RBFOX1: variants seen among roughly 807,000 people sequenced by gnomAD.
RBFOX1 encodes the protein RNA binding protein fox-1 homolog 1.
A neutral mutation model predicts 57.7 loss-of-function variants in RBFOX1; 8 were observed. The observed-to-expected ratio is 0.14, with a 90% confidence interval of 0.08 to 0.25. The LOEUF (loss-of-function observed/expected upper bound fraction) is 0.25, where lower values mean the gene tolerates loss of function less well. Among genes scored for constraint, RBFOX1 ranks in the 10% least tolerant of loss-of-function variants. The pLI, the probability that RBFOX1 is intolerant of heterozygous loss-of-function variation, is 1.00. For synonymous variants in RBFOX1, 326 were observed against 222.4 expected (o/e 1.47, Z -4.15); for missense variants, 611 against 548.5 (o/e 1.11, Z -1.14).
chr16:5,382,606 A>T (rs1412391843), intron 1 of RBFOX1, among the ~76,000 whole-genome samples: 1 of 152,196 alleles, frequency 6.6e-6, no homozygotes, highest in East Asian at 1.9e-4. Context: ...TTAAGGTTCT[A>T]GTAGATGTAC....
chr16:5,326,190 C>G (rs1257259230), intron 1 of RBFOX1, among the ~76,000 whole-genome samples: 1 of 152,076 alleles, frequency 6.6e-6, no homozygotes, highest in Non-Finnish European at 1.5e-5. Context: ...CCTGTTTAAC[C>G]TTTTCTATTT....
At chr16:6,741,022 AC>A (rs1462792736) in intron 3 of RBFOX1, among the ~76,000 whole-genome samples, 2 of 152,176 alleles carry the variant, frequency 1.3e-5, no homozygotes, top group Non-Finnish European at 2.9e-5. Context: ...AGATGTAGAC[AC>A]CTAAATCAAT....
intron 3 of RBFOX1, among the ~76,000 whole-genome samples, chr16:6,710,033 A>T (rs2063452088): frequency 6.6e-6 from 1 of 152,080 alleles, no homozygotes; most frequent in Non-Finnish European, 1.5e-5. Context: ...TATGCTGCTC[A>T]CCCTTTGAGA....
At chr16:5,360,666 G>A (rs575440600) in intron 1 of RBFOX1, among the ~76,000 whole-genome samples, 10 of 152,316 alleles carry the variant, frequency 6.6e-5, no homozygotes, top group African/African-American at 2.4e-4. Flanking sequence ...CTAATGTGAG[G>A]AAGAAGAGGG....
At chr16:7,675,729 T>G (rs1461314952) in intron 13 of RBFOX1, among the ~76,000 whole-genome samples, 2 of 150,266 alleles carry the variant, frequency 1.3e-5, no homozygotes, top group Non-Finnish European at 2.9e-5. Context: ...GTTGTATACC[T>G]TCTCACACAC....
chr16:6,804,532 AT>A (rs1482868458), intron 3 of RBFOX1, among the ~76,000 whole-genome samples: 1 of 152,198 alleles, frequency 6.6e-6, no homozygotes, highest in East Asian at 1.9e-4. Context: ...CAAATAAAGA[AT>A]TCTAAATTGG....
intron 4 of RBFOX1, among the ~76,000 whole-genome samples, chr16:5,948,303 C>T (rs2059446399): frequency 1.3e-5 from 2 of 152,088 alleles, no homozygotes; most frequent in South Asian, 4.2e-4. Flanking sequence ...GAGGAGAGGA[C>T]CAAAACATTT....
Position 6,775,103 on chromosome 16 carries a change from A to G in RBFOX1, c.-16+120453A>G, listed in dbSNP as rs2079084368. On this transcript the variant is annotated intron_variant, in intron 3 of 15. Transcript: ENST00000550418. ...CACTTTGGGAGGCCAGGTCTGGCGG[A>G]TCACGAGGTCAGGAGATCCAGACCA... Among the ~76,000 whole-genome samples the G allele has an allele frequency of 1.3e-5, 2 of 151,492 alleles. 1 individual carries two copies.
intron 4 of RBFOX1, among the ~76,000 whole-genome samples, chr16:7,253,701 C>T (rs547091325): frequency 6.6e-6 from 1 of 152,118 alleles, no homozygotes; most frequent in African/African-American, 2.4e-5. Context: ...GCCTAGAAAC[C>T]CCTACTCCAT....
chr16:6,171,138 T>C (rs149954504), intron 1 of RBFOX1, among the ~76,000 whole-genome samples: 1,756 of 152,332 alleles, frequency 0.012, 23 homozygotes, highest in African/African-American at 0.04. Context: ...ATGGTAGTTC[T>C]GTTTTTAGGT....
chr16:5,417,080 T>G (rs566526322), intron 1 of RBFOX1, among the ~76,000 whole-genome samples: 95 of 152,360 alleles, frequency 6.2e-4, no homozygotes, highest in African/African-American at 2.2e-3. Context: ...TACCGAAGTC[T>G]CACAGCCCTT....
At chr16:6,706,443 C>G (rs942662991) in intron 3 of RBFOX1, among the ~76,000 whole-genome samples, 3 of 152,204 alleles carry the variant, frequency 2.0e-5, no homozygotes, top group African/African-American at 7.2e-5. Flanking sequence ...GCCTCCCCTT[C>G]CAGCTTTGGA....
chr16:6,596,010 A>G (rs915708856), intron 2 of RBFOX1, among the ~76,000 whole-genome samples: 7 of 152,030 alleles, frequency 4.6e-5, no homozygotes, highest in Non-Finnish European at 5.9e-5. Flanking sequence ...TAAGGGTTCT[A>G]TATTCTGAAT....
intron 2 of RBFOX1, among the ~76,000 whole-genome samples, chr16:6,647,001 G>A (rs1394508335): frequency 1.3e-5 from 2 of 152,166 alleles, no homozygotes; most frequent in Non-Finnish European, 2.9e-5. Flanking sequence ...CTAACAAACT[G>A]CCATAGACTG....
At chr16:6,428,723 C>T (rs888775134) in intron 2 of RBFOX1, among the ~76,000 whole-genome samples, 22 of 152,078 alleles carry the variant, frequency 1.4e-4, no homozygotes, top group Admixed American at 3.3e-4. Context: ...CACTGGGCTA[C>T]GTAAACAAAA....
intron 3 of RBFOX1, among the ~76,000 whole-genome samples, chr16:6,667,065 G>T (rs1026460178): frequency 6.6e-6 from 1 of 152,246 alleles, no homozygotes; most frequent in East Asian, 1.9e-4. Flanking sequence ...GATGTTAGTC[G>T]TACTTTCCTC....
chr16:5,486,822 T>C (rs1217282046), intron 2 of RBFOX1, among the ~76,000 whole-genome samples: 1 of 152,232 alleles, frequency 6.6e-6, no homozygotes, highest in African/African-American at 2.4e-5. Flanking sequence ...AATTTTTCTT[T>C]AATACCTTGC....
rs535424511 is a variant in RBFOX1, at chr16:7,044,130, G to T, written c.-15-7927G>T. ...TGTTGTATTCCTGGCACTTAGGACA[G>T]TGTCTGACATCCAGAAGGTGCTTGA... On this transcript the variant is annotated intron_variant, in intron 3 of 15. Coordinates refer to ENST00000550418, the MANE Select transcript of RBFOX1 (RefSeq NM_018723.4). 2.0e-5 allele frequency among the ~76,000 whole-genome samples: 3 copies of T among 152,226 alleles called. No individual in the cohort carries two copies. In the East Asian group the frequency reaches 5.8e-4, roughly 29 times the overall value.
At chr16:5,681,692 C>T (rs564982969) in intron 3 of RBFOX1, among the ~76,000 whole-genome samples, 2 of 152,082 alleles carry the variant, frequency 1.3e-5, no homozygotes, top group African/African-American at 2.4e-5. Context: ...TGTGCCCGGC[C>T]GGTAAGATTT....
Sources: allele counts gnomAD v4.1 joint callset (sites outside exome capture counted in the v4.1 genomes callset), GRCh38; gene constraint gnomAD v4.1.1; transcripts MANE v1.5; gene names NCBI Gene and HGNC (gene_info 2026-07-23, HGNC 2026-07-21).